The following ADAMTS12 variants were observed in gnomAD, a reference collection of about 807,000 sequenced individuals.
ADAMTS12 encodes the protein A disintegrin and metalloproteinase with thrombospondin motifs 12.
ADAMTS12 carries 118 observed loss-of-function variants against 167.8 expected under a neutral mutation model. The ratio of observed to expected loss-of-function variants is 0.70; its 90% confidence interval spans 0.61 to 0.82. ADAMTS12 has a LOEUF of 0.82. Among genes scored for constraint, ADAMTS12 ranks in the 40% least tolerant of loss-of-function variants. The pLI is 0.00. For missense variants in ADAMTS12, 1,916 were observed against 1,998.8 expected (o/e 0.96, Z 0.79); for synonymous variants, 704 against 716.9 (o/e 0.98, Z 0.29).
intron 2 of ADAMTS12, among the ~76,000 whole-genome samples, chr5:33,797,834 C>T (rs1250932019): frequency 1.3e-5 from 2 of 152,118 alleles, no homozygotes; most frequent in African/African-American, 4.8e-5. Context: ...AGCCCAACTC[C>T]ACAAATATGC....
chr5:33,716,797 C>T (rs546983657), intron 3 of ADAMTS12, among the ~76,000 whole-genome samples: 1 of 152,178 alleles, frequency 6.6e-6, no homozygotes, highest in African/African-American at 2.4e-5. Flanking sequence ...TCACAAGATT[C>T]TTCCAAAATC....
chr5:33,854,656 G>C (rs1258225501), intron 2 of ADAMTS12, among the ~76,000 whole-genome samples: 1 of 152,120 alleles, frequency 6.6e-6, no homozygotes, highest in Non-Finnish European at 1.5e-5. Flanking sequence ...GGTCATGATG[G>C]GAACTCACAA....
At chr5:33,835,722 T>A (rs933594109) in intron 2 of ADAMTS12, among the ~76,000 whole-genome samples, 1 of 152,200 alleles carries the variant, frequency 6.6e-6, no homozygotes, top group Non-Finnish European at 1.5e-5. Flanking sequence ...GTAAGGATTT[T>A]AACATATCAA....
rs537162064 is a variant in ADAMTS12, at chr5:33,683,975, G to A, written c.715C>T (p.Arg239Trp). ...RHNLPSRSLS[R>W]RSISKERWVE... is the part of the protein sequence containing the mutation. ...CATCTCTCCTTGCTGATGGAACGCC[G>A]AGAGAGGCTTCTGCTTGGCAAGTTG... Residue 239 changes from arginine to tryptophan, a missense_variant, in exon 4 of 24, where the codon CGG becomes TGG. Transcript: ENST00000504830. 1.3e-5 allele frequency: 21 copies of A among 1,612,200 alleles called. No individual in the cohort carries two copies. Among genetic ancestry groups the A allele is most frequent in the Middle Eastern group, 1.7e-4 (1 of 6,038 alleles).
chr5:33,752,888 C>A (rs140863526), intron 2 of ADAMTS12, among the ~76,000 whole-genome samples: 2 of 152,208 alleles, frequency 1.3e-5, no homozygotes, highest in Non-Finnish European at 2.9e-5. Context: ...CAGCTCTAGA[C>A]GTGGGAGTCT....
At chr5:33,585,610 A>G (rs1020547344) in intron 18 of ADAMTS12, among the ~76,000 whole-genome samples, 10 of 152,208 alleles carry the variant, frequency 6.6e-5, no homozygotes, top group Admixed American at 2.0e-4. Context: ...TGTATCTGGG[A>G]AGTAAGGGAG....
chr5:33,628,397 T>C (rs1414127400), intron 13 of ADAMTS12, among the ~76,000 whole-genome samples: 1 of 152,116 alleles, frequency 6.6e-6, no homozygotes, highest in Non-Finnish European at 1.5e-5. Flanking sequence ...TTTAAATCTA[T>C]ATCTTTGATA....
chr5:33,862,145 A>C (rs1161906033), intron 2 of ADAMTS12, among the ~76,000 whole-genome samples: 4 of 152,238 alleles, frequency 2.6e-5, no homozygotes, highest in Admixed American at 2.6e-4. Flanking sequence ...AAACAAATTC[A>C]AAACCTAGCA....
chr5:33,746,000 T>C (rs1002130056), intron 3 of ADAMTS12, among the ~76,000 whole-genome samples: 7 of 152,154 alleles, frequency 4.6e-5, no homozygotes, highest in Middle Eastern at 3.4e-3. Context: ...ATAATAATAA[T>C]AACATATATG....
intron 3 of ADAMTS12, among the ~76,000 whole-genome samples, chr5:33,733,855 C>T (rs1744277541): frequency 6.6e-6 from 1 of 152,158 alleles, no homozygotes; most frequent in Non-Finnish European, 1.5e-5. Flanking sequence ...TTCACACAGA[C>T]ACAGCCAAGC....
intron 12 of ADAMTS12, among the ~76,000 whole-genome samples, chr5:33,632,359 C>G (rs1739983467): frequency 6.8e-6 from 1 of 146,748 alleles, no homozygotes; most frequent in Non-Finnish European, 1.5e-5. Context: ...CGTGTAATAC[C>G]CAGGTAACAA....
chr5:33,838,933 G>T lies in ADAMTS12; in HGVS notation c.489+42186C>A, dbSNP rs538211793. Among the ~76,000 whole-genome samples the T allele has an allele frequency of 5.3e-5, 8 of 152,286 alleles. No homozygotes were observed. The East Asian group carries it at 1.4e-3, about 26-fold the overall frequency. On this transcript the variant is annotated intron_variant, in intron 2 of 23. Transcript: ENST00000504830. ...ACAATAACATGGTTTTATAGTCACT[G>T]CCCCTTCTGCTGGATAAAAAACGAC...
rs555561274 is a variant in ADAMTS12 at position 33,576,339 on chromosome 5, G to A, written c.3687C>T (p.Ser1229=). The change falls in exon 19 of 24, where the codon TCC becomes TCT. Residue 1229 remains serine (S), a synonymous_variant. Coordinates refer to ENST00000504830, the MANE Select transcript of ADAMTS12 (RefSeq NM_030955.4). The part of the protein sequence containing the change: ...GLLPSQRPTT[S]ETGTPRVEGM... ...CCTCAACTCTGGGTGTCCCAGTTTC[G>A]GAAGTAGTGGGCCTTTGGCTGGGGA... The A allele has an allele frequency of 2.0e-5, 32 of 1,614,160 alleles. No homozygotes were observed. Among genetic ancestry groups the A allele is most frequent in the Admixed American group, 1.0e-4 (6 of 60,020 alleles).
At position 33,848,749 on chromosome 5, in the gene ADAMTS12, G is replaced by A. The variant is rs150647437; in HGVS notation, c.489+32370C>T. 1.3e-3 allele frequency among the ~76,000 whole-genome samples: 202 copies of A among 152,234 alleles called. 1 individual carries two copies. The highest frequency in any genetic ancestry group is 4.7e-3 in the African/African-American group (194 of 41,530). On this transcript the variant is annotated intron_variant, in intron 2 of 23. Transcript: ENST00000504830. ...GTATTTTGAGTGTCTATCACCTAGG[G>A]TGATTGCAAGTATTAGCACTGAAAA...
At chr5:33,754,496 G>A (rs1342548446) in intron 2 of ADAMTS12, among the ~76,000 whole-genome samples, 1 of 152,186 alleles carries the variant, frequency 6.6e-6, no homozygotes, top group Non-Finnish European at 1.5e-5. Context: ...AGGAGTCTCT[G>A]CATACTGCTA....
At chr5:33,844,511 C>T (rs1748868769) in intron 2 of ADAMTS12, among the ~76,000 whole-genome samples, 1 of 152,084 alleles carries the variant, frequency 6.6e-6, no homozygotes, top group Non-Finnish European at 1.5e-5. Flanking sequence ...CATAGTGCTC[C>T]CAGGCTTATT....
chr5:33,608,934 T>C (rs1014744151), intron 16 of ADAMTS12, among the ~76,000 whole-genome samples: 4 of 152,156 alleles, frequency 2.6e-5, no homozygotes, highest in African/African-American at 7.2e-5. Flanking sequence ...CTGAATTACA[T>C]GTAGGTGGGG....
intron 14 of ADAMTS12, among the ~76,000 whole-genome samples, chr5:33,621,556 T>A (rs555545399): frequency 1.3e-5 from 2 of 152,300 alleles, no homozygotes; most frequent in East Asian, 3.9e-4. Context: ...CGGACTTTAC[T>A]CACTGGCATA....
At chr5:33,625,579 A>T (rs1485677823) in intron 13 of ADAMTS12, among the ~76,000 whole-genome samples, 2 of 152,246 alleles carry the variant, frequency 1.3e-5, no homozygotes, top group Non-Finnish European at 2.9e-5. Context: ...GGAAATAGAT[A>T]TAAAAAATGT....
Sources: allele counts gnomAD v4.1 joint callset (sites outside exome capture counted in the v4.1 genomes callset), GRCh38; gene constraint gnomAD v4.1.1; transcripts MANE v1.5; gene names NCBI Gene and HGNC (gene_info 2026-07-23, HGNC 2026-07-21).